The following SIPA1L3 variants were observed in gnomAD, a reference collection of about 807,000 sequenced individuals.
The protein encoded by SIPA1L3 is signal-induced proliferation-associated 1-like protein 3.
Under a neutral mutation model 150.1 loss-of-function variants are expected in SIPA1L3, and 59 were observed. That is an observed-to-expected ratio of 0.39 (90% CI 0.32 to 0.49). The LOEUF (loss-of-function observed/expected upper bound fraction) is 0.49. Among genes scored for constraint, SIPA1L3 ranks in the 20% least tolerant of loss-of-function variants. SIPA1L3 has a pLI of 0.86. For missense variants in SIPA1L3, 2,211 were observed against 2,489.5 expected, an observed-to-expected ratio of 0.89 and a Z score of 2.38; for synonymous variants, 1,070 against 1,077.6, an observed-to-expected ratio of 0.99 and a Z score of 0.14.
chr19:38,056,280 C>T (rs937646907), intron 2 of SIPA1L3, among the ~76,000 whole-genome samples: 2 of 152,248 alleles, frequency 1.3e-5, no homozygotes, highest in Admixed American at 6.5e-5. Context: ...AGCCTCTGTA[C>T]CCTCGGCAGG....
chr19:38,140,768 C>T (rs577783655), intron 10 of SIPA1L3, among the ~76,000 whole-genome samples: 35 of 152,150 alleles, frequency 2.3e-4, no homozygotes, highest in African/African-American at 7.0e-4. Flanking sequence ...TTAAAATAGG[C>T]CATCCCCAGC....
chr19:37,989,340 C>T (rs542715507), intron 1 of SIPA1L3, among the ~76,000 whole-genome samples: 92 of 152,258 alleles, frequency 6.0e-4, no homozygotes, highest in African/African-American at 2.2e-3. Context: ...CCACCTCAGC[C>T]TCCTGAGTAG....
intron 15 of SIPA1L3, among the ~76,000 whole-genome samples, chr19:38,175,710 G>T (rs1056380112): frequency 3.9e-5 from 6 of 152,132 alleles, no homozygotes; most frequent in African/African-American, 1.4e-4. Flanking sequence ...CGTGAGGCAG[G>T]TGCTGTCATT....
chr19:37,925,828 G>A (rs957386997), intron 1 of SIPA1L3, among the ~76,000 whole-genome samples: 1 of 152,036 alleles, frequency 6.6e-6, no homozygotes, highest in Non-Finnish European at 1.5e-5. Flanking sequence ...TCTTGACCTC[G>A]TGATCCACCC....
At chr19:37,958,445 A>G (rs1280332609) in intron 1 of SIPA1L3, among the ~76,000 whole-genome samples, 2 of 152,190 alleles carry the variant, frequency 1.3e-5, no homozygotes, top group Non-Finnish European at 2.9e-5. Context: ...AACAAAAACT[A>G]CAAATGTTTA....
chr19:37,924,204 T>G (rs968066986), intron 1 of SIPA1L3, among the ~76,000 whole-genome samples: 1 of 152,210 alleles, frequency 6.6e-6, no homozygotes, highest in African/African-American at 2.4e-5. Context: ...TTTATTTTTT[T>G]GCTTTCTGAG....
chr19:38,161,029 A>G (rs1234452393), intron 13 of SIPA1L3, among the ~76,000 whole-genome samples: 1 of 152,138 alleles, frequency 6.6e-6, no homozygotes, highest in Non-Finnish European at 1.5e-5. Context: ...AGTGTTTATT[A>G]TTATTCCATT....
At chr19:38,173,747 A>C (rs1972379109) in intron 15 of SIPA1L3, 1 of 152,352 alleles carries the variant, frequency 6.6e-6, no homozygotes, top group South Asian at 2.1e-4. Context: ...CACCTGAGAC[A>C]GAGACCTCCT....
chr19:38,183,797 C>T (rs1972615589), intron 16 of SIPA1L3, among the ~76,000 whole-genome samples: 2 of 151,448 alleles, frequency 1.3e-5, no homozygotes, highest in Non-Finnish European at 2.9e-5. Flanking sequence ...CGGGGAGGTG[C>T]GGAGGCGGAG....
intron 14 of SIPA1L3, among the ~76,000 whole-genome samples, 184 bp downstream of exon 14, chr19:38,162,555 C>A (rs1400017164): frequency 6.6e-6 from 1 of 152,246 alleles, no homozygotes; most frequent in Admixed American, 6.5e-5. Context: ...TCAGCCAGGT[C>A]ATCTAGGGCA....
chr19:37,935,112 G>T (rs559570687), intron 1 of SIPA1L3, among the ~76,000 whole-genome samples: 1 of 152,098 alleles, frequency 6.6e-6, no homozygotes, highest in African/African-American at 2.4e-5. Flanking sequence ...GATGCCTCTC[G>T]TCCAGATAGA....
At chr19:37,996,619 A>T (rs1967643166) in intron 1 of SIPA1L3, among the ~76,000 whole-genome samples, 1 of 151,972 alleles carries the variant, frequency 6.6e-6, no homozygotes, top group South Asian at 2.1e-4. Context: ...TCTTGAACTT[A>T]TTTCTCTTGT....
intron 1 of SIPA1L3, among the ~76,000 whole-genome samples, chr19:37,910,696 C>G (rs1158328569): frequency 6.6e-6 from 1 of 152,120 alleles, no homozygotes; most frequent in Non-Finnish European, 1.5e-5. Flanking sequence ...CTTCCACCTC[C>G]TAGGTTCAAG....
chr19:37,938,635 T>C (rs1409860839), intron 1 of SIPA1L3, among the ~76,000 whole-genome samples: 1 of 151,082 alleles, frequency 6.6e-6, no homozygotes, highest in Non-Finnish European at 1.5e-5. Flanking sequence ...TTTTTTTTTT[T>C]TTTTTTAGGT....
chr19:38,180,537 CTT>C (rs60445902), intron 15 of SIPA1L3, among the ~76,000 whole-genome samples: 4,018 of 124,644 alleles, frequency 0.032, 158 homozygotes, highest in African/African-American at 0.11. Flanking sequence ...TTTTTCTTTT[CTT>C]TTTTTTTTTT....
rs531312943 is a variant in SIPA1L3 at position 38,140,811 on chromosome 19, A to G, written c.3144-373A>G. ...GGTGGCTCACTCCTATAATCCCAGC[A>G]TTTTGGGAGGCTGAGGCGGGTGGAT... On this transcript the variant is annotated intron_variant, in intron 10 of 21. Coordinates refer to ENST00000222345, the MANE Select transcript of SIPA1L3 (RefSeq NM_015073.3). 9.2e-5 allele frequency among the ~76,000 whole-genome samples: 14 copies of G among 152,114 alleles called. No homozygotes were observed. The South Asian group carries it at 2.7e-3, about 29-fold the overall frequency.
Position 38,206,378 on chromosome 19 carries a change from G to A in SIPA1L3, c.*138G>A, listed in dbSNP as rs574994319. 20 of 1,053,954 alleles carry A rather than the reference G, an allele frequency of 1.9e-5. No homozygotes were observed. The highest frequency in any genetic ancestry group is 9.6e-5 in the African/African-American group (6 of 62,212). 65.3% of individuals were successfully genotyped at this position (1,053,954 alleles called of 1,614,324 possible). Reference sequence around the variant, plus strand: ...CCCTCCCCATGGACACGGAAACTCCGATGGCCTCACTAGGGCTGTGAGTCA... The same window carrying A: ...CCCTCCCCATGGACACGGAAACTCCAATGGCCTCACTAGGGCTGTGAGTCA... On this transcript the variant is annotated 3_prime_UTR_variant, in exon 22 of 22. Transcript: ENST00000222345.
chr19:38,081,859 C>T lies in SIPA1L3; in HGVS notation c.294C>T (p.Asn98=), dbSNP rs777744055. Residue 98 remains asparagine (N), a synonymous_variant, in exon 3 of 22, where the codon AAC becomes AAT. Transcript: ENST00000222345. ...GGGAGGCCCTGAGAGAGCACAGCAA[C>T]CCAAGCCCCTCCCAGGACACAGATG... ...PKREALREHS[N]PSPSQDTDGT... The T allele has an allele frequency of 1.2e-6, 2 of 1,613,968 alleles. No homozygotes were observed. The highest frequency in any genetic ancestry group is 2.7e-5 in the African/African-American group (2 of 74,944).
At chr19:38,069,768 G>A (rs1453057297) in intron 2 of SIPA1L3, among the ~76,000 whole-genome samples, 1 of 151,604 alleles carries the variant, frequency 6.6e-6, no homozygotes, top group African/African-American at 2.4e-5. Flanking sequence ...GGGTTCAAGC[G>A]ATTCTCCTGC....
Sources: allele counts gnomAD v4.1 joint callset (sites outside exome capture counted in the v4.1 genomes callset), GRCh38; gene constraint gnomAD v4.1.1; transcripts MANE v1.5; gene names NCBI Gene and HGNC (gene_info 2026-07-23, HGNC 2026-07-21).